Variants in DNAH3 observed in about 807,000 individuals in gnomAD.
DNAH3 encodes the protein dynein axonemal heavy chain 3.
Under a neutral mutation model 432.5 loss-of-function variants are expected in DNAH3, and 332 were observed. The observed-to-expected ratio is 0.77, with a 90% CI of 0.70 to 0.84. DNAH3 has a LOEUF of 0.84. Among genes scored for constraint, DNAH3 ranks in the 40% least tolerant of loss-of-function variants. The pLI is 0.00. For missense variants in DNAH3, 4,861 were observed against 5,114.0 expected, an observed-to-expected ratio of 0.95 and a Z score of 1.51; for synonymous variants, 1,956 against 1,900.2, an observed-to-expected ratio of 1.03 and a Z score of -0.76.
chr16:21,054,430 G>A lies in DNAH3; in HGVS notation c.4029C>T (p.Ile1343=), dbSNP rs566800074. Residue 1343 remains isoleucine (I), a synonymous_variant, in exon 28 of 62, where the codon ATC becomes ATT. Coordinates refer to ENST00000261383, the Ensembl canonical transcript of DNAH3. ...AGCCCCCTGGCTTACCGTGGACATC[G>A]ATGACCGTGAGGGCCCCGAGAGTGA... 21 of 1,613,812 alleles carry A rather than the reference G, an allele frequency of 1.3e-5. No individual in the cohort carries two copies. In the Admixed American group the frequency reaches 1.5e-4, roughly 12 times the overall value.
intron 8 of DNAH3, among the ~76,000 whole-genome samples, chr16:21,126,254 G>A (rs1422411473): frequency 6.6e-6 from 1 of 152,184 alleles, no homozygotes; most frequent in East Asian, 1.9e-4. Context: ...CTAATTCCCA[G>A]TGGAAACCAC....
At chr16:21,114,518 G>T (rs1370490138) in intron 12 of DNAH3, among the ~76,000 whole-genome samples, 1 of 152,158 alleles carries the variant, frequency 6.6e-6, no homozygotes, top group African/African-American at 2.4e-5. Context: ...AAACTGAGAT[G>T]CAATGAGAAA....
At chr16:20,990,929 G>A (rs988538902) in intron 44 of DNAH3, among the ~76,000 whole-genome samples, 2 of 152,160 alleles carry the variant, frequency 1.3e-5, no homozygotes, top group Non-Finnish European at 2.9e-5. Flanking sequence ...GTTGAGGCAG[G>A]AGAATTGCTT....
chr16:21,147,012 G>A (rs1447238624), intron 1 of DNAH3, among the ~76,000 whole-genome samples: 5 of 151,860 alleles, frequency 3.3e-5, no homozygotes, highest in South Asian at 2.1e-4. Flanking sequence ...TGCCCTCCTC[G>A]GCCTCCCAAA....
chr16:21,028,153 GTTT>G (rs2152720712), intron 37 of DNAH3, among the ~76,000 whole-genome samples: 1 of 152,048 alleles, frequency 6.6e-6, no homozygotes, highest in East Asian at 1.9e-4. Context: ...CACGTGGCTA[GTTT>G]TTTATTTTTT....
At chr16:21,151,972 T>C (rs1244017006) in intron 1 of DNAH3, among the ~76,000 whole-genome samples, 1 of 152,106 alleles carries the variant, frequency 6.6e-6, no homozygotes, top group Non-Finnish European at 1.5e-5. Context: ...TGGTGGTTCA[T>C]GCCTGTAATC....
At chr16:21,067,772 G>GAGGGAGAGGGAGAGAGGGA (rs376704368) in intron 23 of DNAH3, among the ~76,000 whole-genome samples, 1 of 23,718 alleles carries the variant, frequency 4.2e-5, no homozygotes, top group Non-Finnish European at 7.1e-5. Flanking sequence ...GGGGGGGTGG[G>GAGGGAGAGGGAGAGAGGGA]GAGGGAGAGA....
intron 57 of DNAH3, among the ~76,000 whole-genome samples, chr16:20,945,624 G>C (rs1196666655): frequency 6.6e-6 from 1 of 151,938 alleles, no homozygotes; most frequent in Non-Finnish European, 1.5e-5. Flanking sequence ...CCTAGTAGCT[G>C]GGATTATAGG....
chr16:21,094,369 G>A (rs1036403562), intron 18 of DNAH3, among the ~76,000 whole-genome samples: 2 of 152,028 alleles, frequency 1.3e-5, no homozygotes, highest in Admixed American at 6.6e-5. Flanking sequence ...TTATGAGAAT[G>A]GCTAAAATAA....
intron 50 of DNAH3, among the ~76,000 whole-genome samples, chr16:20,975,966 A>C (rs2085569054): frequency 6.6e-6 from 1 of 152,138 alleles, no homozygotes; most frequent in Non-Finnish European, 1.5e-5. Flanking sequence ...GCTGGTCTAG[A>C]ACTCCTGACC....
intron 5 of DNAH3, among the ~76,000 whole-genome samples, chr16:21,138,747 T>G (rs1023677051): frequency 1.3e-5 from 2 of 151,918 alleles, no homozygotes; most frequent in African/African-American, 4.8e-5. Context: ...GAGGCAGAGG[T>G]TGCAGTGAGC....
intron 20 of DNAH3, among the ~76,000 whole-genome samples, chr16:21,078,316 G>A (rs1407329604): frequency 6.7e-6 from 1 of 148,498 alleles, no homozygotes; most frequent in Admixed American, 6.8e-5. Context: ...TAATAGAACT[G>A]TTCATATGTG....
chr16:21,130,268 C>A (rs958512798), intron 7 of DNAH3, among the ~76,000 whole-genome samples: 1 of 149,546 alleles, frequency 6.7e-6, no homozygotes, highest in Middle Eastern at 3.5e-3. Context: ...TAAGGAAGAG[C>A]GGAAACTAAT....
chr16:21,031,940 C>G (rs2088899205), intron 36 of DNAH3, among the ~76,000 whole-genome samples: 1 of 151,856 alleles, frequency 6.6e-6, no homozygotes, highest in Non-Finnish European at 1.5e-5. Flanking sequence ...GAAGCTGAGG[C>G]AGGAGAAACA....
At chr16:21,009,165 C>T (rs990609729) in intron 41 of DNAH3, among the ~76,000 whole-genome samples, 2 of 152,204 alleles carry the variant, frequency 1.3e-5, no homozygotes, top group Non-Finnish European at 2.9e-5. Context: ...AAAGAAATAA[C>T]TTACATATCC....
In DNAH3 at chr16:21,050,165, C is replaced by T. The variant is rs760839833; in HGVS notation, c.4239-147G>A. On this transcript the variant is annotated intron_variant, in intron 29 of 61. Coordinates refer to ENST00000261383, the Ensembl canonical transcript of DNAH3. ...CCATTGAAAGTAATGCTAAAAGCCG[C>T]GATGACTTTTGCACCAACCAAATAG... The T allele has an allele frequency of 3.7e-5, 23 of 625,546 alleles. 1 individual carries two copies. In the Middle Eastern group the frequency reaches 3.4e-3, roughly 92 times the overall value. The allele number at this position is 625,546 out of a possible 1,614,324, so 38.7% of individuals were successfully genotyped here. A position where few individuals can be genotyped will look rare whatever the true frequency, so the allele number is the denominator to read the frequency against.
At chr16:20,980,185 A>G (rs2085798460) in intron 49 of DNAH3, among the ~76,000 whole-genome samples, 1 of 138,040 alleles carries the variant, frequency 7.2e-6, no homozygotes, top group Non-Finnish European at 1.6e-5. Flanking sequence ...ATATATATAT[A>G]TATAATTTTA....
intron 49 of DNAH3, among the ~76,000 whole-genome samples, chr16:20,982,365 G>C (rs2085951139): frequency 1.3e-5 from 2 of 152,066 alleles, no homozygotes; most frequent in Non-Finnish European, 2.9e-5. Flanking sequence ...CAGCCTGGGG[G>C]ATAGAGCAAG....
chr16:20,975,545 G>T, intron 50 of DNAH3, 130 bp from the exon 51 acceptor site: 2 of 889,956 alleles, frequency 2.2e-6, no homozygotes, highest in Non-Finnish European at 1.7e-6. Context: ...CATGGTCCTG[G>T]GTACAGATTC....
Sources: gnomAD v4.1 joint callset for allele counts (sites outside exome capture counted in the v4.1 genomes callset) on GRCh38, gnomAD v4.1.1 for gene constraint, MANE v1.5 for transcripts, NCBI Gene and HGNC (gene_info 2026-07-23, HGNC 2026-07-21) for gene names.